Variants in RPL31 observed in about 807,000 individuals in gnomAD.
The protein encoded by RPL31 is ribosomal protein L31.
For synonymous variants in RPL31, 51 were observed against 55.0 expected, an observed-to-expected ratio of 0.93 and a Z score of 0.32; for missense variants, 95 against 164.0, an observed-to-expected ratio of 0.58 and a Z score of 2.30.
downstream of RPL31, chr2:101,008,047 G>C (rs201882166): frequency 6.1e-5 from 98 of 1,613,838 alleles, 1 homozygote; most frequent in South Asian, 1.1e-3. Flanking sequence ...GTCCTGGGGC[G>C]TCTTCCCAGT....
At chr2:101,012,173 A>C (rs532443696), downstream of RPL31, among the ~76,000 whole-genome samples, 1 of 152,326 alleles carries the variant, frequency 6.6e-6, no homozygotes, top group East Asian at 1.9e-4. Context: ...AAAAAAGTTA[A>C]AGTTACCATT....
At chr2:101,013,119 G>A (rs901009813) in intron 4 of RPL31, among the ~76,000 whole-genome samples, 7 of 152,218 alleles carry the variant, frequency 4.6e-5, no homozygotes, top group African/African-American at 1.7e-4. Context: ...GGGTGGGCAA[G>A]TGTCCAGAAA....
chr2:101,017,794 A>G, intron 4 of RPL31: 2 of 1,531,748 alleles, frequency 1.3e-6, no homozygotes, highest in Non-Finnish European at 1.8e-6. Context: ...CAAGCTCAGG[A>G]CTTTTTAATA....
At chr2:101,005,569 C>CA (rs1678696420) in intron 3 of RPL31, 1 of 191,616 alleles carries the variant, frequency 5.2e-6, no homozygotes, top group Non-Finnish European at 1.1e-5. Flanking sequence ...CTCAGCCTCC[C>CA]AAAGTGCTGG....
chr2:101,010,075 C>G (rs987357906), downstream of RPL31, among the ~76,000 whole-genome samples: 12 of 152,084 alleles, frequency 7.9e-5, no homozygotes, highest in African/African-American at 2.9e-4. Flanking sequence ...ATCCACCCGC[C>G]TCGGCCTCCC....
chr2:101,018,925 A>G, intron 4 of RPL31: 1 of 1,567,204 alleles, frequency 6.4e-7, no homozygotes, highest in South Asian at 1.2e-5. Flanking sequence ...TTGATGTCCT[A>G]ATCTTCTGGA....
chr2:101,008,409 G>A, downstream of RPL31: 1 of 717,006 alleles, frequency 1.4e-6, no homozygotes, highest in Non-Finnish European at 2.2e-6. Flanking sequence ...GGTAGTCTCT[G>A]CCTTTCCACT....
At chr2:101,008,102 G>C (rs1277264657), downstream of RPL31, 1 of 1,613,758 alleles carries the variant, frequency 6.2e-7, no homozygotes, top group Non-Finnish European at 8.5e-7. Flanking sequence ...GAAGCCCGCA[G>C]CTCCTCCCCA....
At chr2:101,008,174 G>C (rs1558962200), downstream of RPL31, 1 of 1,613,762 alleles carries the variant, frequency 6.2e-7, no homozygotes. Context: ...ATCTGCAGCA[G>C]CAGTGTGGTG....
chr2:101,017,134 G>A (rs193248836), intron 4 of RPL31, among the ~76,000 whole-genome samples: 3 of 150,844 alleles, frequency 2.0e-5, no homozygotes, highest in South Asian at 2.1e-4. Flanking sequence ...GGTCAGGATC[G>A]TCAATATCAG....
downstream of RPL31, among the ~76,000 whole-genome samples, chr2:101,009,819 A>AG (rs1679054130): frequency 1.6e-5 from 2 of 125,826 alleles, no homozygotes; most frequent in African/African-American, 5.3e-5. Flanking sequence ...ATAAAAAAGG[A>AG]GCTTTTTCTT....
chr2:101,010,032 T>TG (rs1439114328), downstream of RPL31, among the ~76,000 whole-genome samples: 1 of 151,952 alleles, frequency 6.6e-6, no homozygotes, highest in Non-Finnish European at 1.5e-5. Flanking sequence ...TTCACCATGT[T>TG]AGCCAGGATG....
At chr2:101,002,906 T>C in intron 2 of RPL31, 98 bp downstream of exon 2, 1 of 851,994 alleles carries the variant, frequency 1.2e-6, no homozygotes, top group Non-Finnish European at 1.9e-6. Context: ...TTTCCTCTTG[T>C]GGCCTTCCCT....
intron 4 of RPL31, among the ~76,000 whole-genome samples, chr2:101,016,961 A>C (rs1346134181): frequency 1.3e-5 from 2 of 152,010 alleles, no homozygotes; most frequent in Non-Finnish European, 2.9e-5. Context: ...GCATTAGGAG[A>C]TATACCTAAT....
intron 4 of RPL31, among the ~76,000 whole-genome samples, chr2:101,014,656 G>C (rs1679481307): frequency 6.6e-6 from 1 of 152,150 alleles, no homozygotes; most frequent in Admixed American, 6.5e-5. Flanking sequence ...TTATTAGTTT[G>C]GTCCTTAGAG....
At chr2:101,017,841 C>T in intron 4 of RPL31, 2 of 1,550,482 alleles carry the variant, frequency 1.3e-6, no homozygotes, top group Non-Finnish European at 1.7e-6. Context: ...GAAGCAGCTA[C>T]ATGCAATTCC....
chr2:101,018,926 ATCT>A lies in RPL31; in HGVS notation c.347-68_347-66del. 1.0e-5 allele frequency: 16 copies of A among 1,569,584 alleles called. No individual in the cohort carries two copies. In the South Asian group the frequency reaches 1.6e-4, roughly 16 times the overall value. On this transcript the variant is annotated intron_variant, in intron 4 of 4. Coordinates refer to the RPL31 transcript ENST00000409028. Reference sequence around the variant, plus strand: ...TGCAGTGAAAACTGTTGATGTCCTAATCTTCTGGAATGCTCTTCGTCTGTGTGT... The same window carrying A: ...TGCAGTGAAAACTGTTGATGTCCTAATCTGGAATGCTCTTCGTCTGTGTGT...
chr2:101,007,087 A>G lies in RPL31; in HGVS notation c.*706A>G, dbSNP rs1367807226. Reference sequence around the variant, plus strand: ...TCTCTGAAGCCGTAGGGCACACCCAAGGCAGGGCTGAGAAGTACCTAGTAG... The same window carrying G: ...TCTCTGAAGCCGTAGGGCACACCCAGGGCAGGGCTGAGAAGTACCTAGTAG... On this transcript the variant is annotated 3_prime_UTR_variant, in exon 5 of 5. Transcript: ENST00000264258. 3 of 152,418 alleles carry G rather than the reference A, an allele frequency of 2.0e-5. No individual in the cohort carries two copies. Among genetic ancestry groups the G allele is most frequent in the Admixed American group, 6.5e-5 (1 of 15,310 alleles). The allele number at this position is 152,418 out of a possible 1,614,324, so 9.4% of individuals were successfully genotyped here.
At chr2:101,005,144 G>C (rs1009052066) in intron 3 of RPL31, 24 of 152,342 alleles carry the variant, frequency 1.6e-4, no homozygotes, top group African/African-American at 5.5e-4. Flanking sequence ...GGGATTACAG[G>C]AGCCAAGAGA....
Sources: gnomAD v4.1 joint callset for allele counts (sites outside exome capture counted in the v4.1 genomes callset) on GRCh38, gnomAD v4.1.1 for gene constraint, MANE v1.5 for transcripts, NCBI Gene and HGNC (gene_info 2026-07-23, HGNC 2026-07-21) for gene names.